Variants in CSMD3 observed in about 807,000 individuals in gnomAD.
CSMD3 encodes the protein CUB and Sushi multiple domains 3.
In CSMD3, 177 loss-of-function variants were observed where a neutral mutation model predicts 435.2. The ratio of observed to expected loss-of-function variants is 0.41; its 90% CI spans 0.36 to 0.46. The LOEUF is 0.46. Among genes scored for constraint, CSMD3 ranks in the 20% least tolerant of loss-of-function variants. CSMD3 has a pLI of 0.34. For synonymous variants in CSMD3, 1,656 were observed against 1,520.5 expected (o/e 1.09, Z -2.07); for missense variants, 4,265 against 4,504.6 (o/e 0.95, Z 1.52).
chr8:113,032,090 A>C lies in CSMD3; in HGVS notation c.918-12911T>G, dbSNP rs531969532. Among the ~76,000 whole-genome samples the C allele has an allele frequency of 2.3e-4, 35 of 151,746 alleles. 1 individual carries two copies. Among genetic ancestry groups the C allele is most frequent in the African/African-American group, 8.4e-4 (35 of 41,486 alleles). On this transcript the variant is annotated intron_variant, in intron 5 of 70. Transcript: ENST00000297405. The stretch of plus-strand genomic sequence containing the variant: ...AGTAAATTAAACCTCCTTGTTAATA[A>C]ATTACCCATTCTCAGATAATATCTT...
chr8:112,739,157 C>T (rs933747274), intron 13 of CSMD3, among the ~76,000 whole-genome samples: 9 of 151,674 alleles, frequency 5.9e-5, no homozygotes, highest in East Asian at 1.9e-4. Flanking sequence ...TATTTTGTAA[C>T]CATGAATGTT....
chr8:112,997,683 A>T (rs1455584806), intron 6 of CSMD3, among the ~76,000 whole-genome samples: 1 of 151,602 alleles, frequency 6.6e-6, no homozygotes, highest in Non-Finnish European at 1.5e-5. Context: ...GAAGATTTTT[A>T]AAAGTTTGAT....
intron 70 of CSMD3, among the ~76,000 whole-genome samples, chr8:112,227,261 A>G (rs1586449110): frequency 1.3e-5 from 2 of 152,374 alleles, no homozygotes; most frequent in East Asian, 3.9e-4. Context: ...GATGCATGCT[A>G]TAACATGGAT....
intron 4 of CSMD3, among the ~76,000 whole-genome samples, chr8:113,099,610 G>A (rs544222720): frequency 6.6e-6 from 1 of 152,102 alleles, no homozygotes; most frequent in African/African-American, 2.4e-5. Context: ...GTCATATAAT[G>A]TACATAGATA....
chr8:113,306,556 G>C (rs535940193), intron 2 of CSMD3, among the ~76,000 whole-genome samples: 8 of 152,204 alleles, frequency 5.3e-5, no homozygotes, highest in African/African-American at 1.9e-4. Flanking sequence ...ATGCCTACAG[G>C]AAAGGAAACA....
At chr8:112,535,150 A>C (rs1202761355) in intron 27 of CSMD3, among the ~76,000 whole-genome samples, 1 of 151,736 alleles carries the variant, frequency 6.6e-6, no homozygotes, top group African/African-American at 2.4e-5. Context: ...TATTCAACAT[A>C]GTGTTGGAAG....
At chr8:112,306,249 A>G (rs1484231351) in intron 50 of CSMD3, 57 bp from the exon 51 acceptor site, 1 of 1,316,682 alleles carries the variant, frequency 7.6e-7, no homozygotes, top group Non-Finnish European at 1.1e-6. Context: ...TTAATTTATT[A>G]GGTAACTCTG....
chr8:113,200,195 T>C (rs371175524), intron 3 of CSMD3, among the ~76,000 whole-genome samples: 55 of 151,890 alleles, frequency 3.6e-4, no homozygotes, highest in Middle Eastern at 3.4e-3. Flanking sequence ...GTGACTCCTC[T>C]TATTCTTTTT....
intron 53 of CSMD3, among the ~76,000 whole-genome samples, chr8:112,296,769 G>T (rs1393783166): frequency 1.3e-5 from 2 of 151,816 alleles, no homozygotes; most frequent in African/African-American, 4.8e-5. Context: ...AAATATTTAA[G>T]ATTACGAATA....
intron 3 of CSMD3, among the ~76,000 whole-genome samples, chr8:113,253,568 G>T (rs184412327): frequency 6.6e-6 from 1 of 151,818 alleles, no homozygotes; most frequent in East Asian, 1.9e-4. Flanking sequence ...TTGGCTGGGC[G>T]TGGTGGCTCA....
chr8:113,397,873 A>G (rs544010101), intron 1 of CSMD3, among the ~76,000 whole-genome samples: 1 of 151,136 alleles, frequency 6.6e-6, no homozygotes, highest in East Asian at 1.9e-4. Context: ...AATAAAGAAC[A>G]CAGACTCTGG....
intron 3 of CSMD3, among the ~76,000 whole-genome samples, chr8:113,267,722 C>A (rs1462507099): frequency 6.6e-6 from 1 of 151,408 alleles, no homozygotes; most frequent in African/African-American, 2.4e-5. Flanking sequence ...TTGTATTGTA[C>A]CCAGATGATG....
chr8:112,978,335 C>T (rs1323931593), intron 6 of CSMD3, among the ~76,000 whole-genome samples: 1 of 151,848 alleles, frequency 6.6e-6, no homozygotes. Context: ...AATAATCCCT[C>T]GAATTTGAGT....
In CSMD3 at chr8:113,156,934, A is replaced by AAGAGAG. The variant is rs58581247; in HGVS notation, c.709+16782_709+16787dup. On this transcript the variant is annotated intron_variant, in intron 4 of 70. Coordinates refer to ENST00000297405, the MANE Select transcript of CSMD3 (RefSeq NM_198123.2). ...GTGACAGAAAGAGATTTTGTCTCAA[A>AAGAGAG]AGAGAGAGAGAGAGAGAGAGAGACA... 6.2e-3 allele frequency among the ~76,000 whole-genome samples: 914 copies of AAGAGAG among 147,850 alleles called. 8 individuals are homozygous for AAGAGAG. Among genetic ancestry groups the AAGAGAG allele is most frequent in the African/African-American group, 0.018 (726 of 40,258 alleles).
chr8:112,260,188 C>T (rs1586571264), intron 61 of CSMD3, among the ~76,000 whole-genome samples: 1 of 152,148 alleles, frequency 6.6e-6, no homozygotes, highest in East Asian at 1.9e-4. Flanking sequence ...AAGTCCCTAA[C>T]ATTAATGGAT....
At chr8:113,185,171 AC>A (rs2092480668) in intron 3 of CSMD3, among the ~76,000 whole-genome samples, 1 of 151,744 alleles carries the variant, frequency 6.6e-6, no homozygotes, top group Non-Finnish European at 1.5e-5. Flanking sequence ...GGCACAACCC[AC>A]CCCCATCAGG....
At chr8:113,263,758 T>C (rs1163439724) in intron 3 of CSMD3, among the ~76,000 whole-genome samples, 1 of 151,852 alleles carries the variant, frequency 6.6e-6, no homozygotes, top group Non-Finnish European at 1.5e-5. Context: ...TATGATACTG[T>C]GTAAGAAATT....
chr8:112,615,458 C>T (rs552953641), intron 22 of CSMD3, among the ~76,000 whole-genome samples: 18 of 151,958 alleles, frequency 1.2e-4, no homozygotes, highest in Middle Eastern at 3.4e-3. Flanking sequence ...TTTTTTTTAT[C>T]TTTCCAGATA....
chr8:112,658,368 T>A (rs772199983), intron 17 of CSMD3, among the ~76,000 whole-genome samples: 1 of 152,036 alleles, frequency 6.6e-6, no homozygotes, highest in Non-Finnish European at 1.5e-5. Flanking sequence ...TTGAATGGAT[T>A]CAAAAAAGGT....
Sources: gnomAD v4.1 joint callset for allele counts (sites outside exome capture counted in the v4.1 genomes callset) on GRCh38, gnomAD v4.1.1 for gene constraint, MANE v1.5 for transcripts, NCBI Gene and HGNC (gene_info 2026-07-23, HGNC 2026-07-21) for gene names.